TMEM170A: variants seen among roughly 807,000 people sequenced by gnomAD.
TMEM170A encodes the protein transmembrane protein 170A.
Under a neutral mutation model 12.8 loss-of-function variants are expected in TMEM170A, and 18 were observed. The ratio of observed to expected loss-of-function variants is 1.41; its 90% confidence interval spans 0.97 to 2.09. The LOEUF (loss-of-function observed/expected upper bound fraction) is 2.09. Among genes scored for constraint, TMEM170A ranks in the 30% most tolerant of loss-of-function variants. The pLI, the probability that TMEM170A is intolerant of heterozygous loss-of-function variation, is 0.00. For synonymous variants in TMEM170A, 107 were observed against 76.2 expected (o/e 1.40, Z -2.11); for missense variants, 220 against 179.9 (o/e 1.22, Z -1.28).
intron 2 of TMEM170A, among the ~76,000 whole-genome samples, chr16:75,448,480 C>T (rs148148878): frequency 5.5e-4 from 84 of 152,180 alleles, no homozygotes; most frequent in African/African-American, 1.9e-3. Flanking sequence ...AGAATAGATC[C>T]GGCCGGGCAC....
chr16:75,447,483 C>A lies in TMEM170A; in HGVS notation c.*75G>T. 2.0e-6 allele frequency: 3 copies of A among 1,470,538 alleles called. No homozygotes were observed. Among genetic ancestry groups the A allele is most frequent in the Middle Eastern group, 2.2e-4 (1 of 4,574 alleles). The allele number at this position is 1,470,538 out of a possible 1,614,324, so 91.1% of individuals were successfully genotyped here. A position where few individuals can be genotyped will look rare whatever the true frequency, so the allele number is the denominator to read the frequency against. ...GCTTCCCTTTGAAGAACTAAGAAAA[C>A]ACTACACTCCATAATGTATTCTTTT... On this transcript the variant is annotated 3_prime_UTR_variant, in exon 3 of 3. Coordinates refer to ENST00000561878, the MANE Select transcript of TMEM170A (RefSeq NM_145254.3).
chr16:75,458,387 T>C (rs1208023913), intron 1 of TMEM170A: 2 of 152,254 alleles, frequency 1.3e-5, no homozygotes, highest in African/African-American at 4.8e-5. Flanking sequence ...GTGACTAAAG[T>C]AAGGATCTTC....
rs1055438011 is a variant in TMEM170A, at chr16:75,444,866, A to G, written c.*2692T>C. On this transcript the variant is annotated 3_prime_UTR_variant, in exon 3 of 3. Transcript: ENST00000561878. ...GAAACAGAAACAAATACACCTTTCA[A>G]AATGCCCTAATTTTAAGTCTTAGCT... 1.3e-5 allele frequency: 2 copies of G among 152,206 alleles called. No individual in the cohort carries two copies. The highest frequency in any genetic ancestry group is 2.9e-5 in the Non-Finnish European group (2 of 68,046). The allele number at this position is 152,206 out of a possible 1,614,324, so 9.4% of individuals were successfully genotyped here. A position where few individuals can be genotyped will look rare whatever the true frequency, so the allele number is the denominator to read the frequency against.
chr16:75,449,368 C>T (rs1384951610), intron 2 of TMEM170A, among the ~76,000 whole-genome samples: 4 of 151,102 alleles, frequency 2.6e-5, no homozygotes, highest in African/African-American at 7.3e-5. Context: ...CACTCTTTCA[C>T]CTAGGCTGGA....
At chr16:75,448,659 G>C (rs2079628795) in intron 2 of TMEM170A, among the ~76,000 whole-genome samples, 1 of 152,028 alleles carries the variant, frequency 6.6e-6, no homozygotes, top group Admixed American at 6.6e-5. Context: ...TACTACTCGG[G>C]AGGCTGAGGC....
rs2079552626 is a variant in TMEM170A, at chr16:75,444,572, A to G, written c.*2986T>C. On this transcript the variant is annotated 3_prime_UTR_variant, in exon 3 of 3. Transcript: ENST00000561878. Reference sequence around the variant, plus strand: ...TAAAATGTTCAACACAATTGCCAATATTCTTCCATCTGAGTGACCACCCCC... The same window carrying G: ...TAAAATGTTCAACACAATTGCCAATGTTCTTCCATCTGAGTGACCACCCCC... The G allele has an allele frequency of 6.6e-6, 1 of 152,220 alleles. No individual in the cohort carries two copies. The highest frequency in any genetic ancestry group is 1.5e-5 in the Non-Finnish European group (1 of 68,042). The allele number at this position is 152,220 out of a possible 1,614,324, so 9.4% of individuals were successfully genotyped here.
intron 1 of TMEM170A, among the ~76,000 whole-genome samples, chr16:75,454,185 GGA>G (rs2079741568): frequency 7.5e-6 from 1 of 134,094 alleles, no homozygotes; most frequent in Non-Finnish European, 1.8e-5. Context: ...TGCAGGATAT[GGA>G]GAGGCACCTC....
chr16:75,456,212 AG>A (rs2079792734), intron 1 of TMEM170A, among the ~76,000 whole-genome samples: 1 of 151,966 alleles, frequency 6.6e-6, no homozygotes, highest in Non-Finnish European at 1.5e-5. Flanking sequence ...ACTTCCAGTG[AG>A]AGTGCTCAGG....
At chr16:75,451,899 G>A in intron 1 of TMEM170A, 60 bp from the exon 2 acceptor site, 1 of 1,461,320 alleles carries the variant, frequency 6.8e-7, no homozygotes, top group Non-Finnish European at 9.4e-7. Context: ...AATCATTGCA[G>A]AGGGTACTCA....
At chr16:75,461,020 T>C (rs181077439) in intron 1 of TMEM170A, among the ~76,000 whole-genome samples, 12 of 152,104 alleles carry the variant, frequency 7.9e-5, no homozygotes, top group Admixed American at 1.3e-4. Context: ...AAGGAAAAAA[T>C]TTTAAACTGC....
intron 1 of TMEM170A, among the ~76,000 whole-genome samples, chr16:75,457,920 G>C (rs2079828918): frequency 6.6e-6 from 1 of 152,088 alleles, no homozygotes; most frequent in Non-Finnish European, 1.5e-5. Flanking sequence ...ATGAGTAGAG[G>C]AGTACAGCTT....
intron 1 of TMEM170A, among the ~76,000 whole-genome samples, chr16:75,453,001 A>G (rs533137960): frequency 2.6e-5 from 4 of 152,328 alleles, no homozygotes; most frequent in South Asian, 2.1e-4. Flanking sequence ...GGCAAAGCTG[A>G]TAACAGTGAC....
chr16:75,449,394 C>T (rs1379522077), intron 2 of TMEM170A, among the ~76,000 whole-genome samples: 1 of 151,096 alleles, frequency 6.6e-6, no homozygotes, highest in Non-Finnish European at 1.5e-5. Context: ...GTGGCATGAT[C>T]ATGGCTCCCT....
intron 1 of TMEM170A, among the ~76,000 whole-genome samples, chr16:75,463,088 CAGAA>C (rs1417075696): frequency 3.9e-5 from 6 of 152,046 alleles, no homozygotes; most frequent in African/African-American, 1.4e-4. Flanking sequence ...GAAAGAGAAA[CAGAA>C]AGCCAAAGAA....
At position 75,464,661 on chromosome 16, in the gene TMEM170A, C is replaced by T; in HGVS notation, c.-61G>A. The stretch of plus-strand genomic sequence containing the variant: ...GCGCCCGAAGTGCGGTAGCGGCCGG[C>T]GCCGACTCACCCTCGCCGCCTCAGC... On this transcript the variant is annotated 5_prime_UTR_variant, in exon 1 of 3. Transcript: ENST00000561878. 2 of 1,531,338 alleles carry T rather than the reference C, an allele frequency of 1.3e-6. No homozygotes were observed. The highest frequency in any genetic ancestry group is 2.2e-5 in the Admixed American group (1 of 45,690). The allele number at this position is 1,531,338 out of a possible 1,614,324, so 94.9% of individuals were successfully genotyped here. A position where few individuals can be genotyped will look rare whatever the true frequency, so the allele number is the denominator to read the frequency against.
chr16:75,451,308 G>C (rs867608854), intron 2 of TMEM170A: 2 of 325,724 alleles, frequency 6.1e-6, no homozygotes, highest in African/African-American at 4.3e-5. Context: ...CCAGCATTTT[G>C]GGAGGCCAAG....
At chr16:75,451,237 G>GA (rs35642701) in intron 2 of TMEM170A, among the ~76,000 whole-genome samples, 4 of 150,610 alleles carry the variant, frequency 2.7e-5, no homozygotes, top group Non-Finnish European at 4.4e-5. Flanking sequence ...CTTGGGGGTG[G>GA]AAAAAAAAAA....
rs141839071 is a variant in TMEM170A, at chr16:75,451,527, G to A, written c.304+142C>T. ...TTGCAACCACTGCACTCCGGCCTTG[G>A]TGACATAGGGAGACCCTGTCTGGAC... On this transcript the variant is annotated intron_variant, in intron 2 of 2. Transcript: ENST00000561878. The A allele has an allele frequency of 9.2e-4, 769 of 833,986 alleles. 1 individual carries two copies. Among genetic ancestry groups the A allele is most frequent in the Non-Finnish European group, 1.3e-3 (700 of 525,288 alleles). The allele number at this position is 833,986 out of a possible 1,614,324, so 51.7% of individuals were successfully genotyped here.
chr16:75,450,997 T>C (rs924583152), intron 2 of TMEM170A, among the ~76,000 whole-genome samples: 1 of 152,174 alleles, frequency 6.6e-6, no homozygotes, highest in Non-Finnish European at 1.5e-5. Context: ...CTTCTATCTT[T>C]ACAGCAACCA....
Sources: allele counts gnomAD v4.1 joint callset (sites outside exome capture counted in the v4.1 genomes callset), GRCh38; gene constraint gnomAD v4.1.1; transcripts MANE v1.5; gene names NCBI Gene and HGNC (gene_info 2026-07-23, HGNC 2026-07-21).